Variants in PPARG observed in about 807,000 individuals in gnomAD.
PPARG encodes peroxisome proliferator activated receptor gamma.
PPARG carries 17 observed loss-of-function variants against 39.2 expected under a neutral mutation model. The ratio of observed to expected loss-of-function variants is 0.43; its 90% CI spans 0.30 to 0.65. The LOEUF is 0.65. Ranked by LOEUF, PPARG falls within the 30% of genes least tolerant of loss-of-function variation. The probability of loss-of-function intolerance (pLI) is 0.13; values close to 1 mark genes in which losing one functional copy is unlikely to be tolerated. For missense variants in PPARG, 406 were observed against 585.9 expected (o/e 0.69, Z 3.17); for synonymous variants, 223 against 215.7 (o/e 1.03, Z -0.30).
At chr3:12,364,443 T>C (rs1407439178) in intron 2 of PPARG, among the ~76,000 whole-genome samples, 2 of 152,200 alleles carry the variant, frequency 1.3e-5, no homozygotes, top group Non-Finnish European at 2.9e-5. Flanking sequence ...CCATAGTTTA[T>C]CCACTCAGCT....
At chr3:12,393,263 C>T (rs761373914) in intron 5 of PPARG, among the ~76,000 whole-genome samples, 6 of 140,734 alleles carry the variant, frequency 4.3e-5, no homozygotes, top group Non-Finnish European at 7.5e-5. Context: ...CTTCAAGGAA[C>T]GTCCATGAGT....
chr3:12,319,182 G>A (rs1425428045), intron 2 of PPARG, among the ~76,000 whole-genome samples: 1 of 152,112 alleles, frequency 6.6e-6, no homozygotes, highest in Non-Finnish European at 1.5e-5. Context: ...TTTCAGTTTT[G>A]TCTGCATCAC....
intron 1 of PPARG, among the ~76,000 whole-genome samples, chr3:12,301,004 C>A (rs1342350348): frequency 1.3e-5 from 2 of 152,190 alleles, no homozygotes; most frequent in African/African-American, 4.8e-5. Flanking sequence ...ATTTCCTAAA[C>A]TACTCTTTAA....
chr3:12,368,176 TC>T (rs2049079493), intron 2 of PPARG, among the ~76,000 whole-genome samples: 1 of 120,020 alleles, frequency 8.3e-6, no homozygotes, highest in African/African-American at 2.7e-5. Context: ...TTCATTTTTT[TC>T]TTTTTCTTTT....
chr3:12,334,084 C>A (rs762912761), intron 2 of PPARG, among the ~76,000 whole-genome samples: 30 of 152,186 alleles, frequency 2.0e-4, no homozygotes, highest in Admixed American at 7.2e-4. Context: ...CTTCTTTCTC[C>A]CAGAAGATTA....
intron 7 of PPARG, among the ~76,000 whole-genome samples, chr3:12,427,806 T>C (rs2051504565): frequency 6.6e-6 from 1 of 152,200 alleles, no homozygotes; most frequent in Admixed American, 6.5e-5. Flanking sequence ...CTGGGTTCCC[T>C]AAGTAGCCCT....
At chr3:12,332,016 G>C (rs995722595) in intron 2 of PPARG, among the ~76,000 whole-genome samples, 1 of 152,198 alleles carries the variant, frequency 6.6e-6, no homozygotes, top group Non-Finnish European at 1.5e-5. Flanking sequence ...TATATCCATA[G>C]TGCTTGAAAC....
At chr3:12,362,009 G>C (rs2048861475) in intron 2 of PPARG, among the ~76,000 whole-genome samples, 1 of 152,014 alleles carries the variant, frequency 6.6e-6, no homozygotes, top group Non-Finnish European at 1.5e-5. Context: ...TAGTATATTT[G>C]AGTTTTCATT....
rs2051098606 is a variant in PPARG at position 12,417,372 on chromosome 3, A to T, written c.1180+218A>T. 2.6e-5 allele frequency among the ~76,000 whole-genome samples: 4 copies of T among 152,120 alleles called. No individual in the cohort carries two copies. In the South Asian group the frequency reaches 8.3e-4, roughly 32 times the overall value. On this transcript the variant is annotated intron_variant, in intron 7 of 7. Transcript: ENST00000651735. ...TAAGTAACCCAGGATCTTCTCTTTC[A>T]TCCCTCAACAATATATTTTTTCCAG... is the stretch of plus-strand genomic sequence containing the variant.
intron 5 of PPARG, chr3:12,399,393 C>T (rs778975062): frequency 4.4e-6 from 2 of 456,456 alleles, no homozygotes; most frequent in South Asian, 3.1e-5. Flanking sequence ...TCCTGCAGAA[C>T]CTCCAGCAGG....
chr3:12,319,525 G>A (rs1204765724), intron 2 of PPARG, among the ~76,000 whole-genome samples: 3 of 152,106 alleles, frequency 2.0e-5, no homozygotes, highest in South Asian at 2.1e-4. Context: ...TTATGAATAC[G>A]TAGAGAAATC....
intron 1 of PPARG, among the ~76,000 whole-genome samples, chr3:12,305,498 A>G (rs2047038226): frequency 6.6e-6 from 1 of 152,226 alleles, no homozygotes; most frequent in South Asian, 2.1e-4. Flanking sequence ...ATTGTCTTTA[A>G]CAACCTTGGT....
chr3:12,295,513 AATT>A (rs759575468), intron 1 of PPARG, among the ~76,000 whole-genome samples: 2 of 118,896 alleles, frequency 1.7e-5, no homozygotes, highest in East Asian at 2.4e-4. Context: ...TTCAAAAAAA[AATT>A]TTTTTTTTTT....
rs1218566838 is a variant in PPARG, at chr3:12,383,853, G to A, written c.390+2362G>A. On this transcript the variant is annotated intron_variant, in intron 4 of 7. Transcript: ENST00000651735. ...GCAGGGAAGAAGAGTAGCAAAAAGA[G>A]AAGAGAGAGGAGGAAATCCAAGTGC... 7.9e-5 allele frequency among the ~76,000 whole-genome samples: 12 copies of A among 152,026 alleles called. 1 individual carries two copies. The East Asian group carries it at 2.3e-3, about 29-fold the overall frequency.
intron 4 of PPARG, among the ~76,000 whole-genome samples, chr3:12,387,950 C>T (rs1414051092): frequency 6.6e-6 from 1 of 152,110 alleles, no homozygotes; most frequent in Non-Finnish European, 1.5e-5. Context: ...CCTCTCCTAG[C>T]CATGCCAAAT....
At chr3:12,385,990 A>G (rs1370471540) in intron 4 of PPARG, among the ~76,000 whole-genome samples, 1 of 152,198 alleles carries the variant, frequency 6.6e-6, no homozygotes, top group African/African-American at 2.4e-5. Flanking sequence ...TAGCAGACAA[A>G]TGTGCAGACA....
chr3:12,432,150 C>T (rs1042001750), intron 7 of PPARG, among the ~76,000 whole-genome samples: 3 of 152,008 alleles, frequency 2.0e-5, no homozygotes, highest in African/African-American at 4.8e-5. Context: ...TCTAAGAAAC[C>T]GTCAGGGAAC....
At chr3:12,328,280 A>C (rs973684243) in intron 2 of PPARG, 54 of 1,462,808 alleles carry the variant, frequency 3.7e-5, no homozygotes, top group Non-Finnish European at 4.8e-5. Context: ...CCCAGTAGGG[A>C]GCCTCTCTGG....
At chr3:12,322,204 T>C (rs902602791) in intron 2 of PPARG, among the ~76,000 whole-genome samples, 4 of 152,238 alleles carry the variant, frequency 2.6e-5, no homozygotes, top group Non-Finnish European at 5.9e-5. Context: ...GAATATTCAG[T>C]TCACAGACTG....
Sources: gnomAD v4.1 joint callset for allele counts (sites outside exome capture counted in the v4.1 genomes callset) on GRCh38, gnomAD v4.1.1 for gene constraint, MANE v1.5 for transcripts, NCBI Gene and HGNC (gene_info 2026-07-23, HGNC 2026-07-21) for gene names.